The following PCDHA12 variants were observed in gnomAD, a reference collection of about 807,000 sequenced individuals.
PCDHA12 encodes protocadherin alpha 12, also known as protocadherin alpha-12.
In PCDHA12, 44 loss-of-function variants were observed where a neutral mutation model predicts 60.0. That is an observed-to-expected ratio of 0.73 (90% CI 0.58 to 0.94). The LOEUF is 0.94. Among genes scored for constraint, PCDHA12 ranks in the 40% least tolerant of loss-of-function variants. The probability of loss-of-function intolerance (pLI) is 0.00; values close to 1 mark genes in which losing one functional copy is unlikely to be tolerated. For synonymous variants in PCDHA12, 569 were observed against 553.0 expected (o/e 1.03, Z -0.40); for missense variants, 1,276 against 1,239.7 (o/e 1.03, Z -0.44).
At chr5:140,969,761 T>C (rs886878870) in intron 1 of PCDHA12, among the ~76,000 whole-genome samples, 1 of 152,234 alleles carries the variant, frequency 6.6e-6, no homozygotes, top group African/African-American at 2.4e-5. Flanking sequence ...TAAAAAGCTC[T>C]GAGGCCTCTA....
intron 1 of PCDHA12, among the ~76,000 whole-genome samples, chr5:140,949,300 G>T (rs1373100269): frequency 1.3e-5 from 2 of 151,534 alleles, no homozygotes; most frequent in Non-Finnish European, 1.5e-5. Flanking sequence ...GTAATTGTTG[G>T]GTGTAATGAT....
chr5:140,876,607 T>A lies in PCDHA12; in HGVS notation c.1135T>A (p.Ser379Thr). The A allele has an allele frequency of 6.2e-7, 1 of 1,614,186 alleles. No homozygotes were observed. The highest frequency in any genetic ancestry group is 8.5e-7 in the Non-Finnish European group (1 of 1,180,026). ...CCTGATTAGCGTGTCGGATCGTGAC[T>A]CTGGAGCCAATGGACAGGTCATCTG... ...IALISVSDRD[S>T]GANGQVICSL... Residue 379 changes from serine to threonine, a missense_variant, in exon 1 of 4, where the codon TCT becomes ACT. Physicochemically the swap from Ser to Thr is moderately conservative, Grantham distance 58. Coordinates refer to ENST00000398631, the MANE Select transcript of PCDHA12 (RefSeq NM_018903.4).
Position 140,876,095 on chromosome 5 carries a change from T to C in PCDHA12, c.623T>C (p.Leu208Pro), listed in dbSNP as rs781801828. ...KLLDREQTPK[L>P]NLLLMVIDGG... ...TTGGACAGAGAGCAAACGCCAAAAC[T>C]CAATTTATTGCTGATGGTAATCGAT... is the stretch of plus-strand genomic sequence containing the variant. Residue 208 changes from leucine (L) to proline (P), a missense_variant, in exon 1 of 4, where the codon CTC becomes CCC. Transcript: ENST00000398631. 7 of 1,613,928 alleles carry C rather than the reference T, an allele frequency of 4.3e-6. No homozygotes were observed. The highest frequency in any genetic ancestry group is 5.9e-6 in the Non-Finnish European group (7 of 1,179,892).
At chr5:140,884,014 G>A (rs1582743653) in intron 1 of PCDHA12, 1 of 1,613,168 alleles carries the variant, frequency 6.2e-7, no homozygotes, top group Non-Finnish European at 8.5e-7. Context: ...AGCTGATGCC[G>A]CGGTCGGTGG....
chr5:140,923,641 T>C (rs2081461052), intron 1 of PCDHA12, among the ~76,000 whole-genome samples: 1 of 152,230 alleles, frequency 6.6e-6, no homozygotes. Context: ...CAAAAATCTT[T>C]AGCCTCCCTT....
At chr5:140,968,757 A>T in intron 1 of PCDHA12, 1 of 1,614,204 alleles carries the variant, frequency 6.2e-7, no homozygotes, top group Non-Finnish European at 8.5e-7. Context: ...GTGGTCCGAG[A>T]TAATGGAGAG....
chr5:140,959,592 G>A (rs2095498598), intron 1 of PCDHA12, among the ~76,000 whole-genome samples: 2 of 152,162 alleles, frequency 1.3e-5, no homozygotes, highest in South Asian at 4.1e-4. Flanking sequence ...TATCAGCCAA[G>A]TATAACATGC....
Position 140,876,838 on chromosome 5 carries a change from G to C in PCDHA12, c.1366G>C (p.Ala456Pro). ...ADVNDNAPAF[A>P]QPEYTVFVKE... ...CGTGAACGACAATGCGCCTGCGTTC[G>C]CGCAGCCCGAGTACACAGTGTTCGT... is the stretch of plus-strand genomic sequence containing the variant. Residue 456 changes from alanine to proline, a missense_variant, in exon 1 of 4, where the codon GCG becomes CCG. Transcript: ENST00000398631. The C allele has an allele frequency of 6.2e-7, 1 of 1,614,140 alleles. No individual in the cohort carries two copies. The highest frequency in any genetic ancestry group is 8.5e-7 in the Non-Finnish European group (1 of 1,180,008).
rs150518215 is a variant in PCDHA12, at chr5:140,883,444, T to G, written c.2367+5605T>G. On this transcript the variant is annotated intron_variant, in intron 1 of 3. Transcript: ENST00000398631. ...AGGTCACCTGCACCTTGACGCCGCATGTCCCCTTCAAGCTGGTGTCCACCT... is the reference window on the plus strand; with the variant it reads ...AGGTCACCTGCACCTTGACGCCGCAGGTCCCCTTCAAGCTGGTGTCCACCT... The G allele has an allele frequency of 2.5e-6, 4 of 1,614,052 alleles. No individual in the cohort carries two copies. In the African/African-American group the frequency reaches 4.0e-5, roughly 16 times the overall value.
chr5:140,999,890 T>C (rs2097882236), intron 3 of PCDHA12, among the ~76,000 whole-genome samples: 1 of 152,168 alleles, frequency 6.6e-6, no homozygotes, highest in South Asian at 2.1e-4. Context: ...CAGCTGTAGC[T>C]TGGGACACCA....
intron 1 of PCDHA12, among the ~76,000 whole-genome samples, chr5:140,936,151 C>G (rs947807537): frequency 6.6e-6 from 1 of 152,128 alleles, no homozygotes; most frequent in Non-Finnish European, 1.5e-5. Context: ...CCTTGGCCTC[C>G]TAAAGTGCTG....
In PCDHA12 at chr5:140,993,460, TCTCACACA is replaced by T. The variant is rs782648313; in HGVS notation, c.2515+10899_2515+10906del. Among the ~76,000 whole-genome samples, 169 of 104,562 alleles carry T rather than the reference TCTCACACA, an allele frequency of 1.6e-3. 1 individual carries two copies. Among genetic ancestry groups the T allele is most frequent in the East Asian group, 0.012 (43 of 3,448 alleles). 68.6% of individuals were successfully genotyped at this position (104,562 alleles called of 152,430 possible). On this transcript the variant is annotated intron_variant, in intron 3 of 3. Coordinates refer to ENST00000398631, the MANE Select transcript of PCDHA12 (RefSeq NM_018903.4). ...TTCATTCCTGTTCTCCTTCTTTCTT[TCTCACACA>T]CACACACACACACACACACACACAC...
chr5:140,875,357 C>T lies in PCDHA12; in HGVS notation c.-116C>T. The T allele has an allele frequency of 1.4e-6, 2 of 1,446,712 alleles. No homozygotes were observed. Among genetic ancestry groups the T allele is most frequent in the South Asian group, 1.5e-5 (1 of 66,480 alleles). The allele number at this position is 1,446,712 out of a possible 1,614,324, so 89.6% of individuals were successfully genotyped here. A position where few individuals can be genotyped will look rare whatever the true frequency, so the allele number is the denominator to read the frequency against. On this transcript the variant is annotated 5_prime_UTR_variant, in exon 1 of 4. Transcript: ENST00000398631. ...GATCGACTCCATAATGACTGTGATGCTGGAAAAAATTTACTAAATATGTAC... is the reference window on the plus strand; with the variant it reads ...GATCGACTCCATAATGACTGTGATGTTGGAAAAAATTTACTAAATATGTAC...
At chr5:140,882,884 C>T (rs782007101) in intron 1 of PCDHA12, 3 of 1,614,184 alleles carry the variant, frequency 1.9e-6, no homozygotes, top group Middle Eastern at 3.3e-4. Context: ...AGAGGAAATT[C>T]AGGAACATAG....
intron 3 of PCDHA12, among the ~76,000 whole-genome samples, chr5:140,993,460 T>TCACACACACA (rs1554253699): frequency 5.7e-5 from 6 of 104,506 alleles, no homozygotes; most frequent in African/African-American, 7.8e-5. Flanking sequence ...CTTCTTTCTT[T>TCACACACACA]CTCACACACA....
intron 1 of PCDHA12, chr5:140,882,688 A>G: frequency 1.2e-6 from 2 of 1,614,196 alleles, no homozygotes; most frequent in Non-Finnish European, 8.5e-7. Flanking sequence ...AGAAACGAAT[A>G]ATCATTGCAG....
At chr5:140,977,055 A>G (rs1220462981) in intron 1 of PCDHA12, among the ~76,000 whole-genome samples, 1 of 152,234 alleles carries the variant, frequency 6.6e-6, no homozygotes, top group Non-Finnish European at 1.5e-5. Context: ...CTGATGGACT[A>G]GTATAGAAAA....
intron 1 of PCDHA12, chr5:140,927,044 C>T (rs1337649079): frequency 6.2e-7 from 1 of 1,612,210 alleles, no homozygotes; most frequent in Non-Finnish European, 8.5e-7. Flanking sequence ...GCCGCTATGT[C>T]CTCGCGGAAC....
chr5:140,882,369 C>G (rs1554173809), intron 1 of PCDHA12: 4 of 1,614,104 alleles, frequency 2.5e-6, no homozygotes, highest in African/African-American at 1.3e-5. Flanking sequence ...CTCCACTACT[C>G]CGTCCCCGAG....
Sources: allele counts gnomAD v4.1 joint callset (sites outside exome capture counted in the v4.1 genomes callset), GRCh38; gene constraint gnomAD v4.1.1; transcripts MANE v1.5; gene names NCBI Gene and HGNC (gene_info 2026-07-23, HGNC 2026-07-21).